The following CFAP263 variants were observed in gnomAD, a reference collection of about 807,000 sequenced individuals.
CFAP263 encodes the protein cilia and flagella associated protein 263, also known as cilia- and flagella-associated protein 263.
At chr16:58,255,576 T>C in the CFAP263 span, among the ~76,000 whole-genome samples, 46 of 151,334 alleles carry the variant, frequency 3.0e-4, 1 homozygote, top group East Asian at 7.8e-4. Context: ...TTCTTTCTTT[T>C]TTTTTTTTTT....
chr16:58,270,160 A>G, the CFAP263 span, among the ~76,000 whole-genome samples: 2 of 152,186 alleles, frequency 1.3e-5, no homozygotes, highest in Non-Finnish European at 2.9e-5. Context: ...TCCTTTGCTT[A>G]GTTTATAATT....
the CFAP263 span, among the ~76,000 whole-genome samples, chr16:58,253,714 A>G: frequency 6.6e-6 from 1 of 152,214 alleles, no homozygotes; most frequent in Admixed American, 6.5e-5. Flanking sequence ...GCTAGTCTAT[A>G]GCAGGTTCAC....
chr16:58,279,824 T>C, the CFAP263 span: 4,305 of 1,413,922 alleles, frequency 3.0e-3, 32 homozygotes, highest in South Asian at 0.013. Flanking sequence ...CCTATAAAAG[T>C]AATCAGCTCC....
the CFAP263 span, among the ~76,000 whole-genome samples, chr16:58,279,020 C>T: frequency 3.3e-5 from 5 of 152,030 alleles, no homozygotes; most frequent in Non-Finnish European, 7.4e-5. Flanking sequence ...TTTAATATCA[C>T]TCAGGACCTC....
the CFAP263 span, among the ~76,000 whole-genome samples, chr16:58,265,957 C>T: frequency 2.0e-5 from 3 of 152,308 alleles, no homozygotes; most frequent in Non-Finnish European, 4.4e-5. Context: ...CTTCCTCCCA[C>T]CTGAATTGCT....
chr16:58,258,834 C>T, the CFAP263 span, among the ~76,000 whole-genome samples: 2 of 151,920 alleles, frequency 1.3e-5, no homozygotes, highest in African/African-American at 2.4e-5. Flanking sequence ...CAAAAATTAG[C>T]TGGGCGAGGT....
chr16:58,257,935 C>T, the CFAP263 span, among the ~76,000 whole-genome samples: 1 of 151,744 alleles, frequency 6.6e-6, no homozygotes, highest in Non-Finnish European at 1.5e-5. Context: ...TGGTGAAACC[C>T]CTTCTCTACT....
At chr16:58,279,040 A>G in the CFAP263 span, among the ~76,000 whole-genome samples, 84 of 152,182 alleles carry the variant, frequency 5.5e-4, no homozygotes, top group African/African-American at 1.9e-3. Context: ...CATTCCATGC[A>G]TGTACACAGT....
chr16:58,255,542 A>G, the CFAP263 span, among the ~76,000 whole-genome samples: 1 of 152,008 alleles, frequency 6.6e-6, no homozygotes, highest in Admixed American at 6.6e-5. Context: ...CAGTGAATTG[A>G]GTAAAAAGTC....
the CFAP263 span, among the ~76,000 whole-genome samples, chr16:58,276,216 A>G: frequency 7.4e-3 from 1,131 of 152,352 alleles, 5 homozygotes; most frequent in South Asian, 0.013. Context: ...AATACAAGGA[A>G]TACAAAAGAA....
At chr16:58,279,724 C>G in the CFAP263 span, 1 of 1,611,340 alleles carries the variant, frequency 6.2e-7, no homozygotes, top group Non-Finnish European at 8.5e-7. Context: ...GGCTTGGAAT[C>G]GAATGAAAAT....
chr16:58,277,397 G>A, the CFAP263 span, among the ~76,000 whole-genome samples: 1 of 152,140 alleles, frequency 6.6e-6, no homozygotes, highest in Non-Finnish European at 1.5e-5. Flanking sequence ...CCAAAGTGCT[G>A]GGATTACAGG....
the CFAP263 span, among the ~76,000 whole-genome samples, chr16:58,272,643 C>T: frequency 1.3e-5 from 2 of 152,060 alleles, no homozygotes; most frequent in Non-Finnish European, 2.9e-5. Context: ...CATTGTTGAC[C>T]GAAATGTTTT....
chr16:58,264,258 G>A, the CFAP263 span, among the ~76,000 whole-genome samples: 920 of 152,264 alleles, frequency 6.0e-3, 4 homozygotes, highest in South Asian at 1.0e-2. Flanking sequence ...ATTGGACCTC[G>A]ATCTTATCCT....
the CFAP263 span, chr16:58,281,377 C>G: frequency 6.4e-6 from 1 of 155,370 alleles, no homozygotes; most frequent in Admixed American, 6.2e-5. Context: ...ATGCCTGTAA[C>G]ACGTGCTGAG....
chr16:58,276,482 C>T, the CFAP263 span, among the ~76,000 whole-genome samples: 1 of 152,198 alleles, frequency 6.6e-6, no homozygotes, highest in East Asian at 1.9e-4. Flanking sequence ...AGGGGGATGT[C>T]TTGTGTATTG....
At chr16:58,254,447 C>G in the CFAP263 span, among the ~76,000 whole-genome samples, 5 of 152,140 alleles carry the variant, frequency 3.3e-5, no homozygotes, top group Admixed American at 3.3e-4. Context: ...CAACATATGG[C>G]CTCTTTTGGT....
the CFAP263 span, chr16:58,281,834 T>A: frequency 6.8e-6 from 1 of 146,930 alleles, no homozygotes; most frequent in Non-Finnish European, 1.5e-5. Context: ...GTGTGTGGTC[T>A]GTCTTGGTCA....
the CFAP263 span, among the ~76,000 whole-genome samples, chr16:58,257,387 CT>C: frequency 6.6e-6 from 1 of 152,058 alleles, no homozygotes; most frequent in East Asian, 1.9e-4. Context: ...TTAACAACAT[CT>C]CTTTACGTCA....
Sources: allele counts gnomAD v4.1 joint callset (sites outside exome capture counted in the v4.1 genomes callset), GRCh38; gene constraint gnomAD v4.1.1; transcripts MANE v1.5; gene names NCBI Gene and HGNC (gene_info 2026-07-23, HGNC 2026-07-21).